Variants in SLC30A6 observed in about 807,000 individuals in gnomAD.
SLC30A6 encodes solute carrier family 30 member 6, also known as zinc transporter 6.
A neutral mutation model predicts 63.0 loss-of-function variants in SLC30A6; 55 were observed. The ratio of observed to expected loss-of-function variants is 0.87; its 90% CI spans 0.70 to 1.09. The LOEUF (loss-of-function observed/expected upper bound fraction) is 1.09. Among genes scored for constraint, SLC30A6 ranks in the 50% least tolerant of loss-of-function variants. The pLI is 0.00. For missense variants in SLC30A6, 587 were observed against 549.2 expected (o/e 1.07, Z -0.69); for synonymous variants, 224 against 186.1 (o/e 1.20, Z -1.66).
At position 32,221,964 on chromosome 2, in the gene SLC30A6, G is replaced by A. The variant is rs1686169066; in HGVS notation, c.*1251G>A. On this transcript the variant is annotated 3_prime_UTR_variant, in exon 14 of 14. Transcript: ENST00000282587. Reference sequence around the variant, plus strand: ...CACATGGAGTTCCATACATAATATGGAATTTGATGTCTTTTCAAGTTGCAC... The same window carrying A: ...CACATGGAGTTCCATACATAATATGAAATTTGATGTCTTTTCAAGTTGCAC... 1 of 152,024 alleles carries A rather than the reference G, an allele frequency of 6.6e-6. No individual in the cohort carries two copies. Among genetic ancestry groups the A allele is most frequent in the Non-Finnish European group, 1.5e-5 (1 of 68,006 alleles). The allele number at this position is 152,024 out of a possible 1,614,324, so 9.4% of individuals were successfully genotyped here.
chr2:32,196,488 G>T (rs1393489017), intron 8 of SLC30A6, among the ~76,000 whole-genome samples: 1 of 152,186 alleles, frequency 6.6e-6, no homozygotes, highest in Non-Finnish European at 1.5e-5. Context: ...AGAGTTGAGG[G>T]AATTAATTTG....
At chr2:32,178,110 G>A (rs1336328380) in intron 4 of SLC30A6, among the ~76,000 whole-genome samples, 1 of 151,688 alleles carries the variant, frequency 6.6e-6, no homozygotes, top group African/African-American at 2.4e-5. Context: ...ACCACGCTTG[G>A]CTAATTTTTG....
intron 11 of SLC30A6, among the ~76,000 whole-genome samples, chr2:32,206,169 G>T (rs1235384020): frequency 6.6e-6 from 1 of 151,948 alleles, no homozygotes. Context: ...GTTTCCGGCC[G>T]GGCGCGGTGG....
chr2:32,176,743 C>A lies in SLC30A6; in HGVS notation c.218+1382C>A, dbSNP rs115041037. Among the ~76,000 whole-genome samples, 910 of 151,156 alleles carry A rather than the reference C, an allele frequency of 6.0e-3. 7 individuals carry two copies. Among genetic ancestry groups the A allele is most frequent in the African/African-American group, 0.021 (880 of 41,306 alleles). On this transcript the variant is annotated intron_variant, in intron 4 of 13. Coordinates refer to ENST00000282587, the MANE Select transcript of SLC30A6 (RefSeq NM_017964.5). Reference sequence around the variant, plus strand: ...CTCTTCATACATAGAGTTGTGCATTCATCACCATAATTAACTTTACAATAT... The same window carrying A: ...CTCTTCATACATAGAGTTGTGCATTAATCACCATAATTAACTTTACAATAT...
At chr2:32,210,576 CTT>C (rs1368923462) in intron 13 of SLC30A6, among the ~76,000 whole-genome samples, 2 of 145,088 alleles carry the variant, frequency 1.4e-5, no homozygotes, top group Non-Finnish European at 3.0e-5. Context: ...ATAATTAGCT[CTT>C]TTTGTTTAAT....
At chr2:32,169,152 TATAC>T (rs985012871) in intron 1 of SLC30A6, among the ~76,000 whole-genome samples, 3 of 152,040 alleles carry the variant, frequency 2.0e-5, no homozygotes, top group African/African-American at 7.2e-5. Context: ...ATATAATATT[TATAC>T]ATATGTACAT....
At chr2:32,203,249 C>G (rs1175854410) in intron 10 of SLC30A6, 4 of 978,096 alleles carry the variant, frequency 4.1e-6, no homozygotes, top group Non-Finnish European at 6.7e-6. Context: ...TAGAGCTGGA[C>G]AGACAGGGAT....
At chr2:32,189,277 C>T (rs1683105654) in intron 5 of SLC30A6, among the ~76,000 whole-genome samples, 2 of 138,030 alleles carry the variant, frequency 1.4e-5, no homozygotes, top group South Asian at 2.3e-4. Flanking sequence ...ACAGTTGATA[C>T]TGTCTTTTTT....
At chr2:32,216,495 C>T (rs1182947657) in intron 13 of SLC30A6, among the ~76,000 whole-genome samples, 1 of 151,614 alleles carries the variant, frequency 6.6e-6, no homozygotes, top group East Asian at 1.9e-4. Context: ...GACATTGCGC[C>T]ACTGCACTCC....
intron 4 of SLC30A6, among the ~76,000 whole-genome samples, chr2:32,180,371 T>G (rs1682187900): frequency 6.6e-6 from 1 of 150,604 alleles, no homozygotes; most frequent in African/African-American, 2.4e-5. Context: ...ACCACTGTAA[T>G]CCAGTCTTGG....
At chr2:32,191,211 T>G (rs542867916) in intron 5 of SLC30A6, among the ~76,000 whole-genome samples, 1 of 152,250 alleles carries the variant, frequency 6.6e-6, no homozygotes. Context: ...ATTTGCATAC[T>G]GTTTTTTCCT....
intron 4 of SLC30A6, 40 bp from the exon 5 acceptor site, chr2:32,184,233 T>C (rs768703539): frequency 8.3e-6 from 10 of 1,208,446 alleles, no homozygotes; most frequent in Admixed American, 2.3e-5. Context: ...ACATGTTCTC[T>C]TCTAGTTCTA....
chr2:32,197,929 T>C, intron 10 of SLC30A6, 103 bp downstream of exon 10: 1 of 1,384,988 alleles, frequency 7.2e-7, no homozygotes, highest in Non-Finnish European at 9.9e-7. Context: ...CAGTTTCGCT[T>C]ATGTCCTGTG....
intron 1 of SLC30A6, among the ~76,000 whole-genome samples, chr2:32,166,830 A>T (rs1680704037): frequency 6.6e-6 from 1 of 152,232 alleles, no homozygotes; most frequent in Admixed American, 6.5e-5. Flanking sequence ...ATCCTTTTGC[A>T]CACAGAAAAT....
Position 32,221,660 on chromosome 2 carries a change from A to G in SLC30A6, c.*947A>G, listed in dbSNP as rs958822946. The G allele has an allele frequency of 6.6e-6, 1 of 152,196 alleles. No individual in the cohort carries two copies. The highest frequency in any genetic ancestry group is 2.4e-5 in the African/African-American group (1 of 41,460). The allele number at this position is 152,196 out of a possible 1,614,324, so 9.4% of individuals were successfully genotyped here. A position where few individuals can be genotyped will look rare whatever the true frequency, so the allele number is the denominator to read the frequency against. Reference sequence around the variant, plus strand: ...TAGCAGAAATTTTGGAATACATTCTATCTAGCACAATTTGAATTTTTAATT... The same window carrying G: ...TAGCAGAAATTTTGGAATACATTCTGTCTAGCACAATTTGAATTTTTAATT... On this transcript the variant is annotated 3_prime_UTR_variant, in exon 14 of 14. Coordinates refer to ENST00000282587, the MANE Select transcript of SLC30A6 (RefSeq NM_017964.5).
chr2:32,186,908 A>G (rs979111078), intron 5 of SLC30A6, among the ~76,000 whole-genome samples: 1 of 150,438 alleles, frequency 6.6e-6, no homozygotes, highest in Non-Finnish European at 1.5e-5. Flanking sequence ...GAATTGGGAA[A>G]ATGGCTTGAA....
intron 1 of SLC30A6, among the ~76,000 whole-genome samples, chr2:32,168,934 T>G (rs892962075): frequency 4.6e-5 from 7 of 152,272 alleles, no homozygotes; most frequent in African/African-American, 1.4e-4. Flanking sequence ...TTGTTTTATT[T>G]TCATTGTCAG....
chr2:32,197,438 C>T (rs1683893747), intron 9 of SLC30A6, 46 bp downstream of exon 9: 1 of 1,529,962 alleles, frequency 6.5e-7, no homozygotes, highest in Non-Finnish European at 9.0e-7. Context: ...TAAAGGAATA[C>T]ACAAGAAATG....
At position 32,206,983 on chromosome 2, in the gene SLC30A6, A is replaced by C. The variant is rs762639024; in HGVS notation, c.816+50A>C. On this transcript the variant is annotated intron_variant, in intron 12 of 13. Coordinates refer to ENST00000282587, the MANE Select transcript of SLC30A6 (RefSeq NM_017964.5). Reference sequence around the variant, plus strand: ...CATTTTATTTTATATCAGGGAATTGAAAAGGTGGATACTTTTAATACTTTA... The same window carrying C: ...CATTTTATTTTATATCAGGGAATTGCAAAGGTGGATACTTTTAATACTTTA... The C allele has an allele frequency of 2.1e-6, 3 of 1,414,682 alleles. No homozygotes were observed. The African/African-American group carries it at 4.3e-5, about 20-fold the overall frequency. The allele number at this position is 1,414,682 out of a possible 1,614,324, so 87.6% of individuals were successfully genotyped here.
Sources: allele counts gnomAD v4.1 joint callset (sites outside exome capture counted in the v4.1 genomes callset), GRCh38; gene constraint gnomAD v4.1.1; transcripts MANE v1.5; gene names NCBI Gene and HGNC (gene_info 2026-07-23, HGNC 2026-07-21).